The following PTPRN2 variants were observed in gnomAD, a reference collection of about 807,000 sequenced individuals.
The protein encoded by PTPRN2 is receptor-type tyrosine-protein phosphatase N2.
In PTPRN2, 74 loss-of-function variants were observed where a neutral mutation model predicts 118.8. That is an observed-to-expected ratio of 0.62 (90% CI 0.52 to 0.76). The LOEUF (loss-of-function observed/expected upper bound fraction) is 0.76. Among genes scored for constraint, PTPRN2 ranks in the 30% least tolerant of loss-of-function variants. The probability of loss-of-function intolerance (pLI) is 0.00; values close to 1 mark genes in which losing one functional copy is unlikely to be tolerated. For synonymous variants in PTPRN2, 641 were observed against 608.0 expected, an observed-to-expected ratio of 1.05 and a Z score of -0.80; for missense variants, 1,481 against 1,394.4, an observed-to-expected ratio of 1.06 and a Z score of -0.99.
intron 6 of PTPRN2, among the ~76,000 whole-genome samples, chr7:158,165,660 G>A (rs1162399579): frequency 6.6e-6 from 1 of 152,252 alleles, no homozygotes. Flanking sequence ...ATAACGCGAT[G>A]CTCAGGCAAT....
At chr7:157,913,156 C>T (rs913155003) in intron 11 of PTPRN2, among the ~76,000 whole-genome samples, 33 of 152,042 alleles carry the variant, frequency 2.2e-4, no homozygotes, top group African/African-American at 6.0e-4. Flanking sequence ...TATATATTCC[C>T]GGGACTTTAA....
intron 3 of PTPRN2, among the ~76,000 whole-genome samples, chr7:158,285,862 C>T (rs1425338505): frequency 6.6e-6 from 1 of 152,230 alleles, no homozygotes; most frequent in African/African-American, 2.4e-5. Context: ...CCTGTGTCCA[C>T]ACCCCTCAGA....
At chr7:158,290,418 A>G (rs62479650) in intron 3 of PTPRN2, among the ~76,000 whole-genome samples, 40,050 of 151,954 alleles carry the variant, frequency 0.26, 5,629 homozygotes, top group East Asian at 0.41. Flanking sequence ...CCTGAGGCCA[A>G]TGGGGTCAAC....
rs73520532 is a variant in PTPRN2 at position 158,245,790 on chromosome 7, G to A, written c.278-40517C>T. Among the ~76,000 whole-genome samples, 71 of 152,246 alleles carry A rather than the reference G, an allele frequency of 4.7e-4. 2 individuals carry two copies. Among genetic ancestry groups the A allele is most frequent in the African/African-American group, 1.2e-3 (50 of 41,478 alleles). On this transcript the variant is annotated intron_variant, in intron 3 of 22. Transcript: ENST00000389418. The stretch of plus-strand genomic sequence containing the variant: ...ATGTGGAAGCAGCCGGCTCAGGGCC[G>A]GCACACAGTAGGTCGCTTGTGCGTG...
At chr7:158,192,129 T>C (rs767360612) in intron 5 of PTPRN2, among the ~76,000 whole-genome samples, 198 bp downstream of exon 5, 4 of 152,022 alleles carry the variant, frequency 2.6e-5, no homozygotes, top group Non-Finnish European at 4.4e-5. Context: ...GGACTAAGCA[T>C]TTGTGGGGGT....
At chr7:157,962,131 G>C (rs763488754) in intron 11 of PTPRN2, among the ~76,000 whole-genome samples, 1 of 152,174 alleles carries the variant, frequency 6.6e-6, no homozygotes, top group Non-Finnish European at 1.5e-5. Context: ...GAAGAAAGTG[G>C]GTCATTTTCT....
At chr7:158,302,651 T>C (rs6971677) in intron 3 of PTPRN2, among the ~76,000 whole-genome samples, 146,352 of 152,352 alleles carry the variant, frequency 0.96, 70,368 homozygotes, top group African/African-American at 0.99. Context: ...GTGATGTGCG[T>C]AAGATGGCAC....
chr7:158,257,999 TA>T (rs1204078292), intron 3 of PTPRN2, among the ~76,000 whole-genome samples: 18 of 152,248 alleles, frequency 1.2e-4, no homozygotes, highest in Non-Finnish European at 1.5e-5. Flanking sequence ...CATTCTTTTT[TA>T]CCTAAGGCTT....
chr7:157,876,531 C>G (rs1312255677), intron 12 of PTPRN2, among the ~76,000 whole-genome samples: 1 of 152,200 alleles, frequency 6.6e-6, no homozygotes, highest in African/African-American at 2.4e-5. Flanking sequence ...CAGGTCCTCT[C>G]ATGAGTAAAC....
chr7:157,685,945 C>G (rs766113413), intron 12 of PTPRN2, among the ~76,000 whole-genome samples: 1 of 152,124 alleles, frequency 6.6e-6, no homozygotes, highest in Admixed American at 6.5e-5. Context: ...CCCACCTCCC[C>G]GCGCCGGTCC....
intron 12 of PTPRN2, among the ~76,000 whole-genome samples, chr7:157,832,205 G>A (rs907669835): frequency 6.6e-6 from 1 of 152,178 alleles, no homozygotes; most frequent in Admixed American, 6.5e-5. Context: ...CACTGTGATT[G>A]GCACCAGGCT....
intron 12 of PTPRN2, among the ~76,000 whole-genome samples, chr7:157,734,025 C>A (rs1312400075): frequency 9.1e-6 from 1 of 109,962 alleles, no homozygotes; most frequent in African/African-American, 3.9e-5. Context: ...GCGCCCAGCA[C>A]AGTTACCCTT....
At chr7:158,264,577 C>T (rs538480186) in intron 3 of PTPRN2, among the ~76,000 whole-genome samples, 44 of 152,254 alleles carry the variant, frequency 2.9e-4, no homozygotes, top group African/African-American at 9.1e-4. Context: ...TGGGGACCAT[C>T]GAGATGGCCC....
At chr7:157,910,511 G>A (rs933506703) in intron 11 of PTPRN2, among the ~76,000 whole-genome samples, 3 of 151,818 alleles carry the variant, frequency 2.0e-5, no homozygotes, top group African/African-American at 7.3e-5. Flanking sequence ...TACGCCGTGG[G>A]AACGGGTCCA....
chr7:158,031,120 C>T (rs918561063), intron 11 of PTPRN2: 1 of 152,258 alleles, frequency 6.6e-6, no homozygotes, highest in Non-Finnish European at 1.5e-5. Context: ...TAAAACACTA[C>T]TTGCTGATAA....
intron 2 of PTPRN2, among the ~76,000 whole-genome samples, chr7:158,322,110 G>A (rs549449584): frequency 6.6e-6 from 1 of 152,274 alleles, no homozygotes; most frequent in East Asian, 1.9e-4. Flanking sequence ...GCCCCTTCCT[G>A]TTCTGGGAGC....
At chr7:157,923,278 C>A (rs117145275) in intron 11 of PTPRN2, among the ~76,000 whole-genome samples, 1 of 152,144 alleles carries the variant, frequency 6.6e-6, no homozygotes, top group African/African-American at 2.4e-5. Flanking sequence ...GAGGTGGGAG[C>A]AGCTAGCCAT....
chr7:157,950,480 G>T (rs937548386), intron 11 of PTPRN2, among the ~76,000 whole-genome samples: 7 of 151,978 alleles, frequency 4.6e-5, no homozygotes, highest in Admixed American at 1.3e-4. Flanking sequence ...GTTGGTATTT[G>T]GGTGGGTCAA....
intron 3 of PTPRN2, among the ~76,000 whole-genome samples, chr7:158,235,927 AAC>A (rs111811581): frequency 0.052 from 7,960 of 151,638 alleles, 525 homozygotes; most frequent in East Asian, 0.17. Context: ...GCACCTCCAC[AAC>A]AAGCAGGAAG....
Sources: gnomAD v4.1 joint callset for allele counts (sites outside exome capture counted in the v4.1 genomes callset) on GRCh38, gnomAD v4.1.1 for gene constraint, MANE v1.5 for transcripts, NCBI Gene and HGNC (gene_info 2026-07-23, HGNC 2026-07-21) for gene names.